Variants in ST7 observed in about 807,000 individuals in gnomAD.
ST7 encodes suppressor of tumorigenicity 7 protein.
ST7 carries 28 observed loss-of-function variants against 78.7 expected under a neutral mutation model. The ratio of observed to expected loss-of-function variants is 0.36; its 90% CI spans 0.26 to 0.49. ST7 has a LOEUF of 0.49. Ranked by LOEUF, ST7 falls within the 20% of genes least tolerant of loss-of-function variation. The probability of loss-of-function intolerance (pLI) is 0.99; values close to 1 mark genes in which losing one functional copy is unlikely to be tolerated. For synonymous variants in ST7, 247 were observed against 249.6 expected (o/e 0.99, Z 0.10); for missense variants, 418 against 696.0 (o/e 0.60, Z 4.49).
At chr7:117,147,311 C>T (rs1459201867) in intron 9 of ST7, among the ~76,000 whole-genome samples, 1 of 152,068 alleles carries the variant, frequency 6.6e-6, no homozygotes, top group East Asian at 1.9e-4. Flanking sequence ...ATGTGAGAAA[C>T]ATTCATTAGG....
chr7:117,029,013 C>G (rs917290504), intron 1 of ST7, among the ~76,000 whole-genome samples: 2 of 151,950 alleles, frequency 1.3e-5, no homozygotes, highest in Non-Finnish European at 2.9e-5. Flanking sequence ...TAAATCTTAC[C>G]GATAACATGG....
At chr7:117,225,227 C>T (rs533555637) in intron 15 of ST7, among the ~76,000 whole-genome samples, 2 of 152,240 alleles carry the variant, frequency 1.3e-5, no homozygotes, top group East Asian at 1.9e-4. Context: ...GGACTCAACT[C>T]GCCTCATTTC....
intron 12 of ST7, among the ~76,000 whole-genome samples, chr7:117,193,150 TACACACACACACAC>T (rs137866535): frequency 6.9e-6 from 1 of 144,850 alleles, no homozygotes; most frequent in Non-Finnish European, 1.5e-5. Context: ...CTTTAGCAGA[TACACACACACACAC>T]ACACACACAC....
chr7:117,180,369 G>A (rs570259781), intron 10 of ST7, among the ~76,000 whole-genome samples: 1 of 152,294 alleles, frequency 6.6e-6, no homozygotes, highest in South Asian at 2.1e-4. Flanking sequence ...GATAGTAGAG[G>A]ACATGATGCG....
chr7:117,126,170 G>C (rs1271891268), intron 3 of ST7, among the ~76,000 whole-genome samples: 1 of 151,926 alleles, frequency 6.6e-6, no homozygotes, highest in Non-Finnish European at 1.5e-5. Context: ...ATTCTGGGAA[G>C]ATGTGGTAAC....
intron 3 of ST7, among the ~76,000 whole-genome samples, chr7:117,127,038 G>T (rs971950650): frequency 2.0e-5 from 3 of 151,790 alleles, no homozygotes; most frequent in Non-Finnish European, 2.9e-5. Context: ...TGTATCAAGG[G>T]TATATTTTTA....
At chr7:117,001,686 T>C (rs1419771537) in intron 1 of ST7, among the ~76,000 whole-genome samples, 1 of 152,206 alleles carries the variant, frequency 6.6e-6, no homozygotes, top group Non-Finnish European at 1.5e-5. Context: ...TTTAGTGTTA[T>C]TATCTTTTTT....
chr7:117,195,667 G>T lies in ST7; in HGVS notation c.1254+4731G>T, dbSNP rs1209946745. On this transcript the variant is annotated intron_variant, in intron 12 of 15. Coordinates refer to ENST00000323984, the MANE Select transcript of ST7 (RefSeq NM_001369598.1). ...GAAAAAGCCCCTTATAAAACCATCAGATCTTGTGAAAACTCACTCACTATC... is the reference window on the plus strand; with the variant it reads ...GAAAAAGCCCCTTATAAAACCATCATATCTTGTGAAAACTCACTCACTATC... 7.2e-5 allele frequency among the ~76,000 whole-genome samples: 11 copies of T among 152,130 alleles called. 1 individual carries two copies.
chr7:117,117,395 T>C (rs993349813), intron 2 of ST7, among the ~76,000 whole-genome samples: 5 of 152,082 alleles, frequency 3.3e-5, no homozygotes. Flanking sequence ...GTGTGGAACA[T>C]GTAGTGCTGT....
At chr7:117,167,855 G>A (rs1272509369) in intron 9 of ST7, among the ~76,000 whole-genome samples, 6 of 152,106 alleles carry the variant, frequency 3.9e-5, no homozygotes, top group Admixed American at 3.9e-4. Context: ...ACAAGAAAAG[G>A]GCGGAGGGTG....
intron 1 of ST7, among the ~76,000 whole-genome samples, chr7:117,068,433 C>G (rs1162461680): frequency 6.6e-6 from 1 of 152,140 alleles, no homozygotes; most frequent in Non-Finnish European, 1.5e-5. Flanking sequence ...TTGTTTCATC[C>G]TACGTTTTTC....
intron 9 of ST7, among the ~76,000 whole-genome samples, chr7:117,143,061 G>A (rs1563116869): frequency 6.6e-6 from 1 of 152,156 alleles, no homozygotes; most frequent in Non-Finnish European, 1.5e-5. Context: ...CCCAGGGCAG[G>A]AAGAGTAAAT....
chr7:117,122,966 C>T (rs1479405147), intron 3 of ST7, among the ~76,000 whole-genome samples: 2 of 152,166 alleles, frequency 1.3e-5, no homozygotes, highest in Non-Finnish European at 2.9e-5. Flanking sequence ...TGAGGGTTAT[C>T]AGTGTATTTT....
At chr7:117,023,800 G>A (rs1584470804) in intron 1 of ST7, among the ~76,000 whole-genome samples, 1 of 151,910 alleles carries the variant, frequency 6.6e-6, no homozygotes, top group Non-Finnish European at 1.5e-5. Context: ...TATATCGTGT[G>A]TGTGCGTGTG....
At chr7:117,152,222 T>TATATAA (rs1563124840) in intron 9 of ST7, among the ~76,000 whole-genome samples, 2 of 117,960 alleles carry the variant, frequency 1.7e-5, no homozygotes, top group African/African-American at 6.3e-5. Flanking sequence ...TATATATATA[T>TATATAA]ACCATGAACA....
At chr7:117,080,874 G>T (rs1799720283) in intron 1 of ST7, 1 of 152,102 alleles carries the variant, frequency 6.6e-6, no homozygotes. Context: ...CCTTATTTAT[G>T]CCATTGAGTT....
chr7:117,097,908 A>ATATATATATATTTT lies in ST7; in HGVS notation c.152-1853_152-1852insATATATATATTTTT. On this transcript the variant is annotated intron_variant, in intron 1 of 15. Transcript: ENST00000323984. The stretch of plus-strand genomic sequence containing the variant: ...TATATATATATATATATATATATAT[A>ATATATATATATTTT]TTTTTTTTTTTTTTTTTTTTGATGG... 3.7e-4 allele frequency among the ~76,000 whole-genome samples: 11 copies of ATATATATATATTTT among 30,008 alleles called. No individual in the cohort carries two copies. The East Asian group carries it at 5.1e-3, about 14-fold the overall frequency. 19.7% of individuals were successfully genotyped at this position (30,008 alleles called of 152,430 possible).
chr7:117,086,407 T>C (rs1471936331), intron 1 of ST7, among the ~76,000 whole-genome samples: 1 of 152,218 alleles, frequency 6.6e-6, no homozygotes, highest in Non-Finnish European at 1.5e-5. Flanking sequence ...AGAAACATTG[T>C]CTGCATTCTA....
rs891992491 is a variant in ST7, at chr7:117,189,486, A to G, written c.1151+93A>G. The G allele has an allele frequency of 6.5e-6, 6 of 926,894 alleles. No individual in the cohort carries two copies. In the African/African-American group the frequency reaches 8.6e-5, roughly 13 times the overall value. 57.4% of individuals were successfully genotyped at this position (926,894 alleles called of 1,614,324 possible). On this transcript the variant is annotated intron_variant, in intron 11 of 15. Transcript: ENST00000323984. Reference sequence around the variant, plus strand: ...TTTCTCTGGAAGTTTCTCTTAGGCTATGAGACCCCTGCTTATAAGCATGCA... The same window carrying G: ...TTTCTCTGGAAGTTTCTCTTAGGCTGTGAGACCCCTGCTTATAAGCATGCA...
Sources: gnomAD v4.1 joint callset for allele counts (sites outside exome capture counted in the v4.1 genomes callset) on GRCh38, gnomAD v4.1.1 for gene constraint, MANE v1.5 for transcripts, NCBI Gene and HGNC (gene_info 2026-07-23, HGNC 2026-07-21) for gene names.